RBFOX1: variants seen among roughly 807,000 people sequenced by gnomAD.
The protein encoded by RBFOX1 is RNA binding fox-1 homolog 1, also known as RNA binding protein fox-1 homolog 1.
A neutral mutation model predicts 57.7 loss-of-function variants in RBFOX1; 8 were observed. That is an observed-to-expected ratio of 0.14 (90% CI 0.08 to 0.25). The LOEUF is 0.25. RBFOX1 is among the 10% of genes least tolerant of loss of function. RBFOX1 has a pLI of 1.00. For synonymous variants in RBFOX1, 326 were observed against 222.4 expected (o/e 1.47, Z -4.15); for missense variants, 611 against 548.5 (o/e 1.11, Z -1.14).
intron 2 of RBFOX1, among the ~76,000 whole-genome samples, chr16:5,528,898 C>T (rs1597408348): frequency 6.6e-6 from 1 of 152,250 alleles, no homozygotes; most frequent in Non-Finnish European, 1.5e-5. Context: ...GATCCATCTG[C>T]TTCGGCCTCC....
chr16:6,965,198 G>T (rs189337906), intron 3 of RBFOX1, among the ~76,000 whole-genome samples: 2 of 151,968 alleles, frequency 1.3e-5, no homozygotes, highest in Non-Finnish European at 2.9e-5. Context: ...AGAGGTGGGT[G>T]GTGTAAATCA....
intron 3 of RBFOX1, among the ~76,000 whole-genome samples, chr16:6,852,408 C>G (rs1303603656): frequency 6.6e-6 from 1 of 152,172 alleles, no homozygotes; most frequent in Admixed American, 6.5e-5. Context: ...AAACTATTTC[C>G]TTACAAAGTT....
intron 2 of RBFOX1, among the ~76,000 whole-genome samples, chr16:5,481,413 T>C (rs1445797688): frequency 6.6e-6 from 1 of 152,224 alleles, no homozygotes; most frequent in Non-Finnish European, 1.5e-5. Context: ...TCAATACCAT[T>C]TGAATTGTCT....
At chr16:7,128,299 T>C in intron 4 of RBFOX1, among the ~76,000 whole-genome samples, 1 of 152,360 alleles carries the variant, frequency 6.6e-6, no homozygotes, top group East Asian at 1.9e-4. Context: ...AGATAGGTAC[T>C]ATACTTAACC....
At chr16:6,416,201 G>T (rs1336709100) in intron 2 of RBFOX1, among the ~76,000 whole-genome samples, 2 of 152,222 alleles carry the variant, frequency 1.3e-5, no homozygotes, top group African/African-American at 4.8e-5. Context: ...TGCGGAAGGA[G>T]AAGGGCTCCT....
intron 2 of RBFOX1, among the ~76,000 whole-genome samples, chr16:5,575,824 G>T (rs1428232017): frequency 4.1e-5 from 6 of 145,978 alleles, no homozygotes; most frequent in African/African-American, 1.0e-4. Flanking sequence ...AGAATCTGGT[G>T]CCAGGACACT....
intron 13 of RBFOX1, among the ~76,000 whole-genome samples, chr16:7,665,952 T>C (rs761455386): frequency 2.6e-5 from 4 of 152,252 alleles, no homozygotes; most frequent in Non-Finnish European, 5.9e-5. Flanking sequence ...ATAGACTTAG[T>C]TGAGTTCTAC....
chr16:6,494,186 C>T (rs948069783), intron 2 of RBFOX1, among the ~76,000 whole-genome samples: 1 of 152,208 alleles, frequency 6.6e-6, no homozygotes, highest in Non-Finnish European at 1.5e-5. Flanking sequence ...ATCGAGGATA[C>T]TGGCATGGCT....
At chr16:6,183,486 TTAAATAAATAAATAAA>T (rs71142688) in intron 1 of RBFOX1, among the ~76,000 whole-genome samples, 25 of 140,894 alleles carry the variant, frequency 1.8e-4, no homozygotes, top group African/African-American at 5.7e-4. Flanking sequence ...TCTAAAAAAA[TTAAATAAATAAATAAA>T]TAAATAAATA....
downstream of RBFOX1, among the ~76,000 whole-genome samples, chr16:5,600,767 G>C (rs1462442028): frequency 6.6e-6 from 1 of 152,098 alleles, no homozygotes; most frequent in Non-Finnish European, 1.5e-5. Flanking sequence ...ATGCCAAGAA[G>C]AAGAGGAAGA....
At chr16:6,758,792 C>G (rs929040901) in intron 3 of RBFOX1, among the ~76,000 whole-genome samples, 1 of 152,068 alleles carries the variant, frequency 6.6e-6, no homozygotes, top group Non-Finnish European at 1.5e-5. Flanking sequence ...TTGAGAGGGA[C>G]AATCATCTCT....
chr16:5,987,665 T>C lies in RBFOX1; in HGVS notation c.351+120330T>C, dbSNP rs144861077. 1.1e-3 allele frequency among the ~76,000 whole-genome samples: 171 copies of C among 152,282 alleles called. 2 individuals are homozygous for C. The East Asian group carries it at 0.025, about 23-fold the overall frequency. On this transcript the variant is annotated intron_variant, in intron 4 of 19. Transcript: ENST00000641259. ...CTGTAGGGCACTATCATCATTCCTA[T>C]GAGTAGCCACCGTACTGCAGCCCAG... is the stretch of plus-strand genomic sequence containing the variant.
chr16:7,045,182 C>G (rs536633282), intron 3 of RBFOX1, among the ~76,000 whole-genome samples: 1 of 152,122 alleles, frequency 6.6e-6, no homozygotes, highest in African/African-American at 2.4e-5. Flanking sequence ...GCCAGGGACT[C>G]CCACTTCCAA....
At chr16:6,972,863 C>T (rs139547836) in intron 3 of RBFOX1, among the ~76,000 whole-genome samples, 3 of 152,058 alleles carry the variant, frequency 2.0e-5, no homozygotes, top group African/African-American at 7.2e-5. Context: ...GTGGTTCATG[C>T]CTGTTATCAC....
chr16:5,353,812 C>T (rs1334390853), intron 1 of RBFOX1, among the ~76,000 whole-genome samples: 1 of 151,946 alleles, frequency 6.6e-6, no homozygotes, highest in Non-Finnish European at 1.5e-5. Flanking sequence ...CGCTTGCTCG[C>T]ATCCGGTCTC....
At chr16:5,658,661 C>G (rs2049535589) in intron 3 of RBFOX1, among the ~76,000 whole-genome samples, 1 of 151,630 alleles carries the variant, frequency 6.6e-6, no homozygotes, top group African/African-American at 2.4e-5. Flanking sequence ...CAATTTCATC[C>G]AGGTTGCTGT....
At chr16:7,168,509 C>G (rs988872858) in intron 4 of RBFOX1, among the ~76,000 whole-genome samples, 1 of 152,004 alleles carries the variant, frequency 6.6e-6, no homozygotes, top group African/African-American at 2.4e-5. Context: ...CATCATTTGG[C>G]TCATACTGGT....
At position 7,000,754 on chromosome 16, in the gene RBFOX1, G is replaced by C. The variant is rs571038764; in HGVS notation, c.-15-51303G>C. On this transcript the variant is annotated intron_variant, in intron 3 of 15. Transcript: ENST00000550418. Reference sequence around the variant, plus strand: ...CAAGTAGCTGGGACTACAGGTGTCCGCCATCATGCCTGGCTAACTTTCTAT... The same window carrying C: ...CAAGTAGCTGGGACTACAGGTGTCCCCCATCATGCCTGGCTAACTTTCTAT... 2.6e-5 allele frequency among the ~76,000 whole-genome samples: 4 copies of C among 151,636 alleles called. No individual in the cohort carries two copies. In the South Asian group the frequency reaches 8.4e-4, roughly 32 times the overall value.
chr16:6,966,821 A>G (rs199759844), intron 3 of RBFOX1, among the ~76,000 whole-genome samples: 3,213 of 144,450 alleles, frequency 0.022, 115 homozygotes, highest in African/African-American at 0.074. Context: ...CTGTCTGTCT[A>G]TCTATCTGTC....
Sources: allele counts gnomAD v4.1 joint callset (sites outside exome capture counted in the v4.1 genomes callset), GRCh38; gene constraint gnomAD v4.1.1; transcripts MANE v1.5; gene names NCBI Gene and HGNC (gene_info 2026-07-23, HGNC 2026-07-21).